Variants in PIEZO1 observed in about 807,000 individuals in gnomAD.
PIEZO1 encodes piezo type mechanosensitive ion channel component 1 (Er blood group).
A neutral mutation model predicts 297.2 loss-of-function variants in PIEZO1; 296 were observed. The ratio of observed to expected loss-of-function variants is 1.00; its 90% CI spans 0.91 to 1.10. The LOEUF is 1.10. Ranked by LOEUF, PIEZO1 falls within the 50% of genes least tolerant of loss-of-function variation. The pLI, the probability that PIEZO1 is intolerant of heterozygous loss-of-function variation, is 0.00. For synonymous variants in PIEZO1, 2,427 were observed against 1,507.5 expected (o/e 1.61, Z -14.13); for missense variants, 5,018 against 3,455.5 (o/e 1.45, Z -11.34).
chr16:88,767,203 C>T (rs563335106), intron 1 of PIEZO1, among the ~76,000 whole-genome samples: 1 of 152,284 alleles, frequency 6.6e-6, no homozygotes, highest in African/African-American at 2.4e-5. Context: ...TCATGAGTCT[C>T]GGGACATCCT....
rs765381181 is a variant in PIEZO1 at position 88,731,847 on chromosome 16, C to T, written c.3055G>A (p.Gly1019Ser). ...GTGAGGATGGCCACCAGCCAGCAAC[C>T]GTGCAGGGTCACCAGAAAGTTCATG... ...QRMNFLVTLH[G>S]CWLVAILTRR... The change falls in exon 22 of 51, where the codon GGT becomes AGT. Residue 1019 changes from glycine (G) to serine (S), a missense_variant. Physicochemically the swap from Gly to Ser is moderately conservative, Grantham distance 56. Transcript: ENST00000301015. 155 of 1,125,716 alleles carry T rather than the reference C, an allele frequency of 1.4e-4. No individual in the cohort carries two copies. The highest frequency in any genetic ancestry group is 2.4e-4 in the Middle Eastern group (1 of 4,254). 69.7% of individuals were successfully genotyped at this position (1,125,716 alleles called of 1,614,324 possible).
In PIEZO1 at chr16:88,723,211, C is replaced by G. The variant is rs1365321508; in HGVS notation, c.4438+15G>C. On this transcript the variant is annotated intron_variant, in intron 32 of 50. Coordinates refer to ENST00000301015, the MANE Select transcript of PIEZO1 (RefSeq NM_001142864.4). ...CCGCGGCTTCCCCTCAGAGTCCCCA[C>G]GCCCCCCAGCTCACCTGTGGGTAGC... 5.2e-5 allele frequency: 80 copies of G among 1,548,388 alleles called. No homozygotes were observed. Among genetic ancestry groups the G allele is most frequent in the Non-Finnish European group, 7.0e-5 (80 of 1,146,828 alleles).
At chr16:88,753,375 G>C (rs538325299) in intron 1 of PIEZO1, among the ~76,000 whole-genome samples, 6 of 142,264 alleles carry the variant, frequency 4.2e-5, no homozygotes, top group African/African-American at 1.5e-4. Context: ...GACGGGCTGA[G>C]ACAGGAGGGC....
rs1026737466 is a variant in PIEZO1, at chr16:88,715,402, G to C, written c.*203C>G. 2.5e-5 allele frequency: 25 copies of C among 999,954 alleles called. 1 individual carries two copies. Among genetic ancestry groups the C allele is most frequent in the African/African-American group, 1.5e-4 (9 of 61,824 alleles). 61.9% of individuals were successfully genotyped at this position (999,954 alleles called of 1,614,324 possible). A position where few individuals can be genotyped will look rare whatever the true frequency, so the allele number is the denominator to read the frequency against. ...AAAAAAAAAACTCTACAGTACACGT[G>C]GGGGACGGCAGCGCCACGCAGGCCG... On this transcript the variant is annotated 3_prime_UTR_variant, in exon 51 of 51. Transcript: ENST00000301015.
Position 88,722,924 on chromosome 16 carries a change from G to A in PIEZO1, c.4581C>T (p.Arg1527=), listed in dbSNP as rs1306990852. The change falls in exon 34 of 51, where the codon CGC becomes CGT. Residue 1527 remains arginine (R), a synonymous_variant. Coordinates refer to ENST00000301015, the MANE Select transcript of PIEZO1 (RefSeq NM_001142864.4). The stretch of plus-strand genomic sequence containing the variant: ...GGTGCCGGGTGAACTCCTGCAGCCA[G>A]CGTGTCAGCTCATCCACTAGCGCCT... ...LGQALVDELT[R]WLQEFTRHHG... is the part of the protein sequence containing the mutation. 1.9e-6 allele frequency: 3 copies of A among 1,549,414 alleles called. No homozygotes were observed. The highest frequency in any genetic ancestry group is 1.4e-5 in the African/African-American group (1 of 73,144).
rs2242169 is a variant in PIEZO1 at position 88,727,435 on chromosome 16, C to T, written c.3301+122G>A. The T allele has an allele frequency of 0.24, 151,663 of 636,352 alleles. 19,478 individuals carry two copies. Among genetic ancestry groups the T allele is most frequent in the Admixed American group, 0.39 (12,814 of 32,978 alleles). 39.4% of individuals were successfully genotyped at this position (636,352 alleles called of 1,614,324 possible). On this transcript the variant is annotated intron_variant, in intron 23 of 50. Coordinates refer to ENST00000301015, the MANE Select transcript of PIEZO1 (RefSeq NM_001142864.4). Reference sequence around the variant, plus strand: ...GCGTGCGAGGTCAGGGCCTGCAGGCCGCCATGTGCCTGACCACACCTCCGC... The same window carrying T: ...GCGTGCGAGGTCAGGGCCTGCAGGCTGCCATGTGCCTGACCACACCTCCGC...
chr16:88,717,358 C>T, intron 44 of PIEZO1, 147 bp from the exon 45 acceptor site: 1 of 695,064 alleles, frequency 1.4e-6, no homozygotes, highest in Non-Finnish European at 2.6e-6. Context: ...CAGACACAGG[C>T]CAGTGGAGTA....
Position 88,741,563 on chromosome 16 carries a change from C to T in PIEZO1, c.380G>A (p.Gly127Asp), listed in dbSNP as rs1317300332. 20 of 1,535,702 alleles carry T rather than the reference C, an allele frequency of 1.3e-5. No individual in the cohort carries two copies. The East Asian group carries it at 3.4e-4, about 26-fold the overall frequency. Residue 127 changes from glycine to aspartate, a missense_variant, in exon 5 of 51, where the codon GGC becomes GAC. Transcript: ENST00000301015. ...NAIRLVAPDL[G>D]ILVVSSVCLG... ...GCAGACAGAGGAGACCACCAAGATG[C>T]CCAGGTCAGGGGCCACCAGCCGGAT...
At chr16:88,753,211 A>C (rs12931333) in intron 1 of PIEZO1, among the ~76,000 whole-genome samples, 1 of 81,362 alleles carries the variant, frequency 1.2e-5, no homozygotes, top group Non-Finnish European at 2.3e-5. Context: ...CCCCCAGAGC[A>C]CACCTGTCCA....
intron 1 of PIEZO1, among the ~76,000 whole-genome samples, chr16:88,769,086 T>C (rs1907306255): frequency 6.6e-6 from 1 of 152,236 alleles, no homozygotes; most frequent in Admixed American, 6.5e-5. Context: ...CCAGAAGTAT[T>C]TCCAGTTTAG....
Position 88,716,953 on chromosome 16 carries a change from G to C in PIEZO1, c.6661-55C>G, listed in dbSNP as rs1017549746. The stretch of plus-strand genomic sequence containing the variant: ...GAAGATGAGCGTGGAGGAGCGGCTG[G>C]GGGTGGTGCACCACCTTGGCCAGAA... On this transcript the variant is annotated intron_variant, in intron 45 of 50. Transcript: ENST00000301015. The C allele has an allele frequency of 2.5e-5, 38 of 1,546,070 alleles. No homozygotes were observed. The Admixed American group carries it at 6.9e-4, about 28-fold the overall frequency.
chr16:88,725,008 C>A lies in PIEZO1; in HGVS notation c.4234+1G>T. ...GCCACAGGCGGCCTAATTGGGGGTACCTGTGGCGTGGTCCAGCCAGGGCCG... is the reference window on the plus strand; with the variant it reads ...GCCACAGGCGGCCTAATTGGGGGTAACTGTGGCGTGGTCCAGCCAGGGCCG... On this transcript the variant is annotated splice_donor_variant, in intron 30 of 50. Coordinates refer to ENST00000301015, the MANE Select transcript of PIEZO1 (RefSeq NM_001142864.4). LOFTEE classifies it high-confidence loss of function. The A allele has an allele frequency of 1.4e-6, 2 of 1,479,024 alleles. No homozygotes were observed. Among genetic ancestry groups the A allele is most frequent in the Non-Finnish European group, 1.8e-6 (2 of 1,115,030 alleles). 91.6% of individuals were successfully genotyped at this position (1,479,024 alleles called of 1,614,324 possible). A position where few individuals can be genotyped will look rare whatever the true frequency, so the allele number is the denominator to read the frequency against.
intron 44 of PIEZO1, chr16:88,717,541 A>C (rs991475793): frequency 7.9e-6 from 4 of 508,270 alleles, no homozygotes; most frequent in African/African-American, 3.8e-5. Context: ...ATTTACCTCA[A>C]AGTGGATCAA....
chr16:88,764,359 T>C (rs959480536), intron 1 of PIEZO1, among the ~76,000 whole-genome samples: 3 of 152,070 alleles, frequency 2.0e-5, no homozygotes, highest in Admixed American at 6.5e-5. Flanking sequence ...CCTGAGCAGG[T>C]AGATTCTTAG....
At chr16:88,736,992 C>CT in intron 10 of PIEZO1, 1 of 400,136 alleles carries the variant, frequency 2.5e-6, no homozygotes. Flanking sequence ...CCCTGACCCC[C>CT]TTTCCAGCTC....
intron 1 of PIEZO1, among the ~76,000 whole-genome samples, chr16:88,753,978 C>T (rs1906527804): frequency 6.6e-6 from 1 of 152,240 alleles, no homozygotes; most frequent in African/African-American, 2.4e-5. Context: ...CTGTGGCTCC[C>T]ATGTTCCCAT....
chr16:88,744,560 T>TCC (rs1457711687), intron 2 of PIEZO1, among the ~76,000 whole-genome samples: 1 of 149,608 alleles, frequency 6.7e-6, no homozygotes, highest in East Asian at 2.0e-4. Flanking sequence ...GCCACCTGGC[T>TCC]CCCGCCCACC....
rs1567655532 is a variant in PIEZO1 at position 88,715,607 on chromosome 16, A to G, written c.7564T>C (p.Ter2522GlnextTer46). The G allele has an allele frequency of 3.2e-6, 5 of 1,548,760 alleles. No individual in the cohort carries two copies. Among genetic ancestry groups the G allele is most frequent in the Admixed American group, 2.0e-5 (1 of 50,936 alleles). ...CTCTCGGGCGCCAGCAGCAGCTCCT[A>G]CTCCTTCTCACGAGTCCACTTGATC... ...TMIKWTREKE* is the reference protein window; with the variant it reads ...TMIKWTREKEQ Residue 2522 changes from the stop codon to glutamine, a stop_lost, in exon 51 of 51, where the codon TAG becomes CAG. Coordinates refer to ENST00000301015, the MANE Select transcript of PIEZO1 (RefSeq NM_001142864.4).
In PIEZO1 at chr16:88,734,723, T is replaced by C; in HGVS notation, c.1924A>G (p.Ile642Val). Residue 642 changes from isoleucine (I) to valine (V), a missense_variant, in exon 15 of 51, where the codon ATC (isoleucine) becomes GTC (valine). Ile to Val is a conservative substitution (Grantham distance 29, BLOSUM62 3). Coordinates refer to ENST00000301015, the MANE Select transcript of PIEZO1 (RefSeq NM_001142864.4). Reference protein sequence around the residue: ...LVVAYTMLVLIAVYTFQFQDF... With the variant: ...LVVAYTMLVLVAVYTFQFQDF... Reference sequence around the variant, plus strand: ...TGGAACTGGAAGGTGTAGACGGCGATGAGGACCAGCATGGTGTAGGCCACC... The same window carrying C: ...TGGAACTGGAAGGTGTAGACGGCGACGAGGACCAGCATGGTGTAGGCCACC... 2 of 1,550,320 alleles carry C rather than the reference T, an allele frequency of 1.3e-6. No individual in the cohort carries two copies. Among genetic ancestry groups the C allele is most frequent in the Non-Finnish European group, 1.7e-6 (2 of 1,146,946 alleles).
Sources: gnomAD v4.1 joint callset for allele counts (sites outside exome capture counted in the v4.1 genomes callset) on GRCh38, gnomAD v4.1.1 for gene constraint, MANE v1.5 for transcripts, NCBI Gene and HGNC (gene_info 2026-07-23, HGNC 2026-07-21) for gene names.